The following AMPH variants were observed in gnomAD, a reference collection of about 807,000 sequenced individuals.
The protein encoded by AMPH is amphiphysin (Stiff-Mann syndrome with breast cancer 128kD autoantigen).
AMPH carries 49 observed loss-of-function variants against 99.1 expected under a neutral mutation model. The ratio of observed to expected loss-of-function variants is 0.49; its 90% CI spans 0.39 to 0.63. The LOEUF (loss-of-function observed/expected upper bound fraction) is 0.63, where lower values mean the gene tolerates loss of function less well. Among genes scored for constraint, AMPH ranks in the 20% least tolerant of loss-of-function variants. AMPH has a pLI of 0.00. For missense variants in AMPH, 759 were observed against 863.4 expected (o/e 0.88, Z 1.52); for synonymous variants, 314 against 317.3 (o/e 0.99, Z 0.11).
intron 11 of AMPH, among the ~76,000 whole-genome samples, chr7:38,442,752 G>A (rs1230024431): frequency 2.6e-5 from 4 of 151,438 alleles, no homozygotes; most frequent in South Asian, 4.2e-4. Flanking sequence ...AAAAAGGTCC[G>A]AAATTATTAA....
At chr7:38,467,580 G>A (rs17415592) in intron 7 of AMPH, among the ~76,000 whole-genome samples, 62,875 of 151,586 alleles carry the variant, frequency 0.41, 14,547 homozygotes, top group Non-Finnish European at 0.52. Context: ...CTCTAGGAAC[G>A]TACAATCCAG....
chr7:38,397,638 C>G (rs986673917), intron 17 of AMPH, among the ~76,000 whole-genome samples: 6 of 152,156 alleles, frequency 3.9e-5, no homozygotes, highest in Admixed American at 2.6e-4. Flanking sequence ...AAAGCACAGG[C>G]ACACAAAGCG....
At chr7:38,467,735 C>T (rs1787717829) in intron 7 of AMPH, among the ~76,000 whole-genome samples, 1 of 151,568 alleles carries the variant, frequency 6.6e-6, no homozygotes, top group African/African-American at 2.4e-5. Context: ...TATAAAACCA[C>T]ATGGGAATGT....
At chr7:38,429,609 A>G in intron 14 of AMPH, 8 of 1,445,138 alleles carry the variant, frequency 5.5e-6, no homozygotes, top group Non-Finnish European at 7.3e-6. Flanking sequence ...AAAGGAAAAA[A>G]AACAAAAACA....
intron 1 of AMPH, among the ~76,000 whole-genome samples, chr7:38,623,980 C>T (rs1015990254): frequency 2.6e-5 from 4 of 152,154 alleles, no homozygotes; most frequent in African/African-American, 9.7e-5. Flanking sequence ...TTATAGCATT[C>T]CCACCATGTA....
At chr7:38,417,733 T>G in intron 17 of AMPH, 92 bp downstream of exon 17, 1 of 1,518,902 alleles carries the variant, frequency 6.6e-7, no homozygotes, top group Non-Finnish European at 8.9e-7. Context: ...TTGGCCCAAG[T>G]GAGGCAAAGA....
chr7:38,613,336 G>A (rs1793751927), intron 1 of AMPH, among the ~76,000 whole-genome samples: 1 of 147,098 alleles, frequency 6.8e-6, no homozygotes, highest in African/African-American at 2.5e-5. Context: ...CCACGGCATA[G>A]GACCCAATAC....
chr7:38,610,832 T>C (rs533247383), intron 1 of AMPH, among the ~76,000 whole-genome samples: 19 of 152,106 alleles, frequency 1.2e-4, no homozygotes, highest in African/African-American at 3.9e-4. Flanking sequence ...TATGAGCTCA[T>C]AGAGACAAGA....
intron 16 of AMPH, among the ~76,000 whole-genome samples, chr7:38,420,375 G>A (rs1785538655): frequency 6.6e-6 from 1 of 152,166 alleles, no homozygotes; most frequent in Non-Finnish European, 1.5e-5. Context: ...TACCTTCACT[G>A]TTTTTCCTAC....
intron 11 of AMPH, among the ~76,000 whole-genome samples, chr7:38,460,833 T>C (rs1021285522): frequency 2.0e-5 from 3 of 152,152 alleles, no homozygotes; most frequent in Non-Finnish European, 4.4e-5. Context: ...GTATTAGGTA[T>C]TTCAAAGTAG....
chr7:38,573,686 T>C (rs181573187), intron 1 of AMPH, among the ~76,000 whole-genome samples: 130 of 152,372 alleles, frequency 8.5e-4, no homozygotes, highest in Admixed American at 2.9e-3. Context: ...AGGGAGACTC[T>C]CCTGATCTGA....
intron 1 of AMPH, among the ~76,000 whole-genome samples, chr7:38,610,564 C>T (rs534520589): frequency 2.0e-4 from 30 of 151,776 alleles, no homozygotes; most frequent in South Asian, 4.2e-4. Context: ...TGAGAACTTA[C>T]TATATTCCAG....
At chr7:38,512,129 G>C (rs146722923) in intron 2 of AMPH, among the ~76,000 whole-genome samples, 1 of 152,264 alleles carries the variant, frequency 6.6e-6, no homozygotes, top group East Asian at 1.9e-4. Flanking sequence ...TCCCTAAAAA[G>C]ACACTTAAAA....
chr7:38,609,292 G>A (rs907936621), intron 1 of AMPH, among the ~76,000 whole-genome samples: 2 of 152,164 alleles, frequency 1.3e-5, no homozygotes, highest in Admixed American at 6.6e-5. Flanking sequence ...TCTCTCCTTC[G>A]ATGGAGGTTT....
In AMPH at chr7:38,429,847, G is replaced by A. The variant is rs762654210; in HGVS notation, c.1177C>T (p.Gln393Ter). The A allele has an allele frequency of 1.2e-6, 2 of 1,605,958 alleles. No homozygotes were observed. The highest frequency in any genetic ancestry group is 1.1e-5 in the South Asian group (1 of 88,752). ...TGATCTGGATATTTACCTACCGGCT[G>A]TACCAAATCAGTGCTTGTCTGTATG... ...DLWTTSTDLV[Q>*]PASGGSFNGF... The change falls in exon 14 of 21, where the codon CAG becomes TAG. Residue 393 changes from glutamine (Q) to a stop codon, truncating the protein, a stop_gained. Transcript: ENST00000356264. LOFTEE classifies it high-confidence loss of function.
chr7:38,423,307 G>A (rs1289087935), intron 15 of AMPH, among the ~76,000 whole-genome samples: 1 of 152,124 alleles, frequency 6.6e-6, no homozygotes, highest in African/African-American at 2.4e-5. Context: ...AATCTCTAAA[G>A]GAAACTTCAT....
chr7:38,505,110 T>G (rs1789274390), intron 2 of AMPH, among the ~76,000 whole-genome samples: 1 of 152,226 alleles, frequency 6.6e-6, no homozygotes, highest in African/African-American at 2.4e-5. Flanking sequence ...GCATATTACA[T>G]TTAGCATTGC....
At chr7:38,440,869 A>C (rs916063603) in intron 11 of AMPH, among the ~76,000 whole-genome samples, 2 of 152,096 alleles carry the variant, frequency 1.3e-5, no homozygotes, top group African/African-American at 4.8e-5. Context: ...AAATGAACAG[A>C]GAGACAATGG....
In AMPH at chr7:38,476,961, G is replaced by C. The variant is rs199508672; in HGVS notation, c.405C>G (p.Ile135Met). Residue 135 changes from isoleucine (I) to methionine (M), a missense_variant, in exon 6 of 21, where the codon ATC becomes ATG. Physicochemically the swap from Ile to Met is conservative, Grantham distance 10. Transcript: ENST00000356264. ...LGQFPDIKNR[I>M]AKRSRKLVDY... ...CCACTAGCTTCCTGCTGCGCTTGGC[G>C]ATGCGATTCTGTCAACAGGAAATGC... 2.5e-6 allele frequency: 4 copies of C among 1,613,564 alleles called. No individual in the cohort carries two copies. The African/African-American group carries it at 5.3e-5, about 22-fold the overall frequency.
Sources: gnomAD v4.1 joint callset for allele counts (sites outside exome capture counted in the v4.1 genomes callset) on GRCh38, gnomAD v4.1.1 for gene constraint, MANE v1.5 for transcripts, NCBI Gene and HGNC (gene_info 2026-07-23, HGNC 2026-07-21) for gene names.